The following GRID1 variants were observed in gnomAD, a reference collection of about 807,000 sequenced individuals.
GRID1 encodes the protein glutamate ionotropic receptor delta type subunit 1.
In GRID1, 28 loss-of-function variants were observed where a neutral mutation model predicts 98.0. The observed-to-expected ratio is 0.29, with a 90% CI of 0.21 to 0.39. GRID1 has a LOEUF of 0.39. Among genes scored for constraint, GRID1 ranks in the 10% least tolerant of loss-of-function variants. The probability of loss-of-function intolerance (pLI) is 1.00; values close to 1 mark genes in which losing one functional copy is unlikely to be tolerated. For synonymous variants in GRID1, 553 were observed against 538.5 expected (o/e 1.03, Z -0.37); for missense variants, 1,111 against 1,340.5 (o/e 0.83, Z 2.67).
intron 4 of GRID1, among the ~76,000 whole-genome samples, chr10:86,034,671 T>C (rs1409194516): frequency 6.6e-6 from 1 of 151,924 alleles, no homozygotes; most frequent in Admixed American, 6.6e-5. Context: ...GGATGTCCCC[T>C]GTAATCATTT....
intron 4 of GRID1, among the ~76,000 whole-genome samples, chr10:86,044,507 C>T (rs762066123): frequency 2.0e-5 from 3 of 152,120 alleles, no homozygotes; most frequent in Admixed American, 6.5e-5. Flanking sequence ...TAAAAGCTAC[C>T]CTCTCATCTG....
rs1019018173 is a variant in GRID1 at position 86,208,249 on chromosome 10, G to A, written c.236-1601C>T. 1.6e-4 allele frequency among the ~76,000 whole-genome samples: 24 copies of A among 152,094 alleles called. 1 individual carries two copies. The highest frequency in any genetic ancestry group is 1.3e-3 in the Admixed American group (20 of 15,266). On this transcript the variant is annotated intron_variant, in intron 2 of 15. Coordinates refer to ENST00000327946, the MANE Select transcript of GRID1 (RefSeq NM_017551.3). ...AGCAGGAAGAGAACCCAAATCCTAC[G>A]GTTCTCTCCTCTTCAAGGCCACCGG...
chr10:86,005,315 C>A (rs1271049137), intron 4 of GRID1, among the ~76,000 whole-genome samples: 1 of 151,726 alleles, frequency 6.6e-6, no homozygotes, highest in Non-Finnish European at 1.5e-5. Context: ...TTCCCAATAG[C>A]CAGCTCCATT....
intron 4 of GRID1, among the ~76,000 whole-genome samples, chr10:85,945,956 C>T (rs1005414550): frequency 2.6e-5 from 4 of 152,132 alleles, no homozygotes; most frequent in Non-Finnish European, 4.4e-5. Context: ...CTTCAAAAAG[C>T]AATTACTTTC....
chr10:85,913,370 C>A lies in GRID1; in HGVS notation c.780+2816G>T, dbSNP rs1468216556. Among the ~76,000 whole-genome samples the A allele has an allele frequency of 1.3e-5, 2 of 152,212 alleles. 1 individual carries two copies. Among genetic ancestry groups the A allele is most frequent in the Non-Finnish European group, 2.9e-5 (2 of 68,036 alleles). Reference sequence around the variant, plus strand: ...GCATGACCTTGAACAAGTGATTTAACCTCTGGAGACTCTGTTTTCCCATCT... The same window carrying A: ...GCATGACCTTGAACAAGTGATTTAAACTCTGGAGACTCTGTTTTCCCATCT... On this transcript the variant is annotated intron_variant, in intron 5 of 15. Transcript: ENST00000327946.
chr10:85,631,438 CT>C (rs1378311750), intron 13 of GRID1, among the ~76,000 whole-genome samples: 4 of 152,328 alleles, frequency 2.6e-5, no homozygotes, highest in East Asian at 3.9e-4. Context: ...GCTGCATTCC[CT>C]TTTGGGGCCT....
chr10:85,976,880 G>C (rs1842479723), intron 4 of GRID1, among the ~76,000 whole-genome samples: 1 of 152,198 alleles, frequency 6.6e-6, no homozygotes, highest in South Asian at 2.1e-4. Context: ...TATATCACAT[G>C]GGTGCAGGTT....
intron 12 of GRID1, among the ~76,000 whole-genome samples, chr10:85,718,371 A>G (rs1841663129): frequency 6.6e-6 from 1 of 151,188 alleles, no homozygotes; most frequent in Admixed American, 6.6e-5. Flanking sequence ...CCACATATGG[A>G]GTCCACACCC....
rs552142520 is a variant in GRID1, at chr10:85,643,790, A to C, written c.2193+3412T>G. ...ATCCCAAAGCCAGCTTGGGGTTCAT[A>C]AAATGAAGGTACCATAAAACTAATC... On this transcript the variant is annotated intron_variant, in intron 13 of 15. Transcript: ENST00000327946. 6.6e-5 allele frequency among the ~76,000 whole-genome samples: 10 copies of C among 152,310 alleles called. No homozygotes were observed. In the East Asian group the frequency reaches 1.9e-3, roughly 29 times the overall value.
At chr10:86,065,778 C>T (rs1843711702) in intron 4 of GRID1, among the ~76,000 whole-genome samples, 1 of 152,230 alleles carries the variant, frequency 6.6e-6, no homozygotes, top group Admixed American at 6.5e-5. Flanking sequence ...CAATCAAATG[C>T]TTGCAGCTCC....
At chr10:86,347,532 C>T (rs1255345307) in intron 2 of GRID1, among the ~76,000 whole-genome samples, 1 of 152,202 alleles carries the variant, frequency 6.6e-6, no homozygotes, top group African/African-American at 2.4e-5. Context: ...AATAATCCCC[C>T]TCTTCCAGGG....
At chr10:85,892,032 T>C (rs140168648) in intron 5 of GRID1, among the ~76,000 whole-genome samples, 154 of 151,514 alleles carry the variant, frequency 1.0e-3, no homozygotes, top group African/African-American at 3.6e-3. Context: ...GAGCAAAACA[T>C]GCATGATAGG....
intron 5 of GRID1, among the ~76,000 whole-genome samples, chr10:85,908,844 A>T (rs1293464062): frequency 2.6e-5 from 4 of 152,212 alleles, no homozygotes; most frequent in Admixed American, 6.5e-5. Flanking sequence ...AGACAGAAAA[A>T]AATAGATCAA....
At chr10:86,359,468 C>G (rs1281662958) in intron 2 of GRID1, among the ~76,000 whole-genome samples, 2 of 152,206 alleles carry the variant, frequency 1.3e-5, no homozygotes, top group East Asian at 1.9e-4. Flanking sequence ...CACCAACAAG[C>G]TCTCTGTGTT....
chr10:85,635,799 G>A (rs1290798268), intron 13 of GRID1, among the ~76,000 whole-genome samples: 1 of 152,178 alleles, frequency 6.6e-6, no homozygotes, highest in East Asian at 1.9e-4. Context: ...CTTCTGTTAT[G>A]GCCTGAGGGA....
intron 4 of GRID1, among the ~76,000 whole-genome samples, chr10:85,977,989 A>C (rs558706357): frequency 3.3e-5 from 5 of 152,210 alleles, no homozygotes; most frequent in Non-Finnish European, 7.3e-5. Flanking sequence ...GCCGAGGTCA[A>C]TTGGGCCAGA....
intron 4 of GRID1, among the ~76,000 whole-genome samples, chr10:85,968,796 TA>T (rs1315778356): frequency 2.6e-5 from 4 of 152,188 alleles, no homozygotes; most frequent in African/African-American, 9.6e-5. Flanking sequence ...AACAAACACA[TA>T]AGACATGTAG....
At chr10:85,956,030 C>T (rs544426534) in intron 4 of GRID1, among the ~76,000 whole-genome samples, 3 of 152,324 alleles carry the variant, frequency 2.0e-5, no homozygotes, top group African/African-American at 7.2e-5. Context: ...TGATTCGAGG[C>T]CCTCAAAGTG....
intron 8 of GRID1, among the ~76,000 whole-genome samples, chr10:85,731,498 T>C (rs1376774769): frequency 6.6e-6 from 1 of 151,290 alleles, no homozygotes; most frequent in Non-Finnish European, 1.5e-5. Flanking sequence ...TGGCTATTTC[T>C]CCATTGGACC....
Sources: allele counts gnomAD v4.1 joint callset (sites outside exome capture counted in the v4.1 genomes callset), GRCh38; gene constraint gnomAD v4.1.1; transcripts MANE v1.5; gene names NCBI Gene and HGNC (gene_info 2026-07-23, HGNC 2026-07-21).